MMP21: variants seen among roughly 807,000 people sequenced by gnomAD.
MMP21 encodes the protein matrix metalloproteinase-21.
A neutral mutation model predicts 47.8 loss-of-function variants in MMP21; 40 were observed. The observed-to-expected ratio is 0.84, with a 90% CI of 0.65 to 1.09. The LOEUF (loss-of-function observed/expected upper bound fraction) is 1.09. MMP21 is among the 50% of genes least tolerant of loss of function. MMP21 has a pLI of 0.00. For missense variants in MMP21, 747 were observed against 775.3 expected, an observed-to-expected ratio of 0.96 and a Z score of 0.43; for synonymous variants, 341 against 318.0, an observed-to-expected ratio of 1.07 and a Z score of -0.77.
intron 5 of MMP21, among the ~76,000 whole-genome samples, chr10:125,769,728 AT>A (rs562685133): frequency 4.6e-5 from 7 of 151,228 alleles, no homozygotes; most frequent in African/African-American, 1.2e-4. Context: ...TGTCCAAGGT[AT>A]TTTTTTTTCC....
At position 125,773,907 on chromosome 10, in the gene MMP21, C is replaced by G. The variant is rs1301653898; in HGVS notation, c.621G>C (p.Glu207Asp). 1 of 1,584,550 alleles carries G rather than the reference C, an allele frequency of 6.3e-7. No individual in the cohort carries two copies. Among genetic ancestry groups the G allele is most frequent in the Non-Finnish European group, 8.5e-7 (1 of 1,172,540 alleles). ...CCTCGCGGAAGTCCAGCGGCGTCAC[C>G]TCGCTCCACATCCTGAAGGCCAGCG... is the stretch of plus-strand genomic sequence containing the variant. ...IVALAFRMWSEVTPLDFREDL... is the reference protein window; with the variant it reads ...IVALAFRMWSDVTPLDFREDL... Residue 207 changes from glutamate to aspartate, a missense_variant, in exon 2 of 7, where the codon GAG becomes GAC. By Grantham distance (45) the Glu-to-Asp change is conservative (BLOSUM62 2). Coordinates refer to ENST00000368808, the MANE Select transcript of MMP21 (RefSeq NM_147191.1). This position sits in a 1 kb window ranked among gnomAD's most constrained non-coding sequence, Gnocchi z 4.8.
At position 125,775,806 on chromosome 10, in the gene MMP21, T is replaced by C. The variant is rs1221926820; in HGVS notation, c.16A>G (p.Ile6Val). 3.7e-6 allele frequency: 6 copies of C among 1,609,942 alleles called. No individual in the cohort carries two copies. In the Admixed American group the frequency reaches 8.4e-5, roughly 22 times the overall value. ...CAGAGCAGCAGTGTCGGACGGAAGA[T>C]GGAGGCGGCGAGCATTGGCCTGGTC... MLAAS[I>V]FRPTLLLCWL... Residue 6 changes from isoleucine to valine, a missense_variant, in exon 1 of 7, where the codon ATC becomes GTC. Physicochemically the swap from Ile to Val is conservative, Grantham distance 29 (BLOSUM62 3). Transcript: ENST00000368808.
chr10:125,767,925 C>A (rs549500153), intron 5 of MMP21, among the ~76,000 whole-genome samples: 1 of 152,152 alleles, frequency 6.6e-6, no homozygotes. Flanking sequence ...TTTTCTTGGC[C>A]GTCACTGCTG....
chr10:125,767,425 G>A (rs928357901), intron 6 of MMP21, 107 bp downstream of exon 6: 15 of 1,112,206 alleles, frequency 1.3e-5, no homozygotes, highest in East Asian at 5.0e-5. Context: ...ACAGGCATGC[G>A]CCACTGTGGC....
At position 125,772,158 on chromosome 10, in the gene MMP21, C is replaced by A. The variant is rs2133783063; in HGVS notation, c.979+60G>T. On this transcript the variant is annotated intron_variant, in intron 4 of 6. Transcript: ENST00000368808. The surrounding 1 kb of genome is among the most constrained non-coding windows in gnomAD (Gnocchi z 5.6). Reference sequence around the variant, plus strand: ...CCAGTGAGGAGTGAGCGGGGTCCTACAGTGCTCTGGAATACAGTGTCCTCC... The same window carrying A: ...CCAGTGAGGAGTGAGCGGGGTCCTAAAGTGCTCTGGAATACAGTGTCCTCC... The A allele has an allele frequency of 6.3e-7, 1 of 1,596,336 alleles. No individual in the cohort carries two copies. Among genetic ancestry groups the A allele is most frequent in the Non-Finnish European group, 8.6e-7 (1 of 1,167,150 alleles).
chr10:125,773,822 T>C lies in MMP21; in HGVS notation c.697+9A>G. ...GGTCGGGCAGGCAGGGAGCCCGGGG[T>C]GCTCTTACCTCTCCCAAAGCCCAGC... On this transcript the variant is annotated intron_variant, in intron 2 of 6. Coordinates refer to ENST00000368808, the MANE Select transcript of MMP21 (RefSeq NM_147191.1). This position sits in a 1 kb window ranked among gnomAD's most constrained non-coding sequence, Gnocchi z 4.8. The C allele has an allele frequency of 6.7e-7, 1 of 1,503,552 alleles. No individual in the cohort carries two copies. Among genetic ancestry groups the C allele is most frequent in the East Asian group, 2.6e-5 (1 of 38,548 alleles). The allele number at this position is 1,503,552 out of a possible 1,614,324, so 93.1% of individuals were successfully genotyped here.
chr10:125,766,661 A>G lies in MMP21; in HGVS notation c.*1T>C, dbSNP rs760505326. On this transcript the variant is annotated 3_prime_UTR_variant, in exon 7 of 7. Transcript: ENST00000368808. ...GACCCTCCATTTCCTACTTTTTCTTATTACATGTTCAGTGTGGAGATATGG... is the reference window on the plus strand; with the variant it reads ...GACCCTCCATTTCCTACTTTTTCTTGTTACATGTTCAGTGTGGAGATATGG... The G allele has an allele frequency of 6.3e-6, 10 of 1,580,770 alleles. No individual in the cohort carries two copies. The South Asian group carries it at 1.2e-4, about 19-fold the overall frequency.
chr10:125,774,448 A>T, intron 1 of MMP21, 83 bp from the exon 2 acceptor site: 1 of 974,810 alleles, frequency 1.0e-6, no homozygotes. Context: ...CTAGAGAGAC[A>T]GAGACATGGG....
intron 6 of MMP21, 145 bp downstream of exon 6, chr10:125,767,387 C>A: frequency 1.4e-6 from 1 of 736,374 alleles, no homozygotes; most frequent in South Asian, 1.9e-5. Flanking sequence ...AGCGATCCGC[C>A]CACCTTGGCC....
At position 125,774,038 on chromosome 10, in the gene MMP21, C is replaced by T. The variant is rs776194453; in HGVS notation, c.490G>A (p.Asp164Asn). ...RRGWQPRGYP[D>N]GGAAQAFSKR... The stretch of plus-strand genomic sequence containing the variant: ...GAGAAGGCCTGGGCAGCTCCGCCGT[C>T]GGGGTAGCCCCGGGGCTGCCAACCC... The change falls in exon 2 of 7, where the codon GAC (aspartate) becomes AAC (asparagine). Residue 164 changes from aspartate to asparagine, a missense_variant. Transcript: ENST00000368808. The T allele has an allele frequency of 1.3e-6, 2 of 1,485,156 alleles. No individual in the cohort carries two copies. The highest frequency in any genetic ancestry group is 1.3e-5 in the South Asian group (1 of 79,078). 92.0% of individuals were successfully genotyped at this position (1,485,156 alleles called of 1,614,324 possible). A position where few individuals can be genotyped will look rare whatever the true frequency, so the allele number is the denominator to read the frequency against.
intron 5 of MMP21, among the ~76,000 whole-genome samples, chr10:125,768,682 C>A (rs1035617971): frequency 2.0e-5 from 3 of 152,190 alleles, no homozygotes; most frequent in Admixed American, 6.5e-5. Flanking sequence ...ATATTCATAG[C>A]AAATTAAGAT....
At position 125,774,306 on chromosome 10, in the gene MMP21, C is replaced by T. The variant is rs1448313591; in HGVS notation, c.222G>A (p.Glu74=). 1.4e-6 allele frequency: 2 copies of T among 1,416,560 alleles called. No homozygotes were observed. The highest frequency in any genetic ancestry group is 3.0e-5 in the African/African-American group (2 of 66,158). The allele number at this position is 1,416,560 out of a possible 1,614,324, so 87.7% of individuals were successfully genotyped here. The change falls in exon 2 of 7, where the codon GAG becomes GAA. Residue 74 remains glutamate (E), a synonymous_variant. Transcript: ENST00000368808. ...GVWAAWGPSP[E]GPPETPKGAA... is the part of the protein sequence containing the mutation. ...CGCCCTTGGGGGTCTCCGGCGGCCC[C>T]TCGGGACTGGGCCCCCAGGCCGCCC... is the stretch of plus-strand genomic sequence containing the variant.
In MMP21 at chr10:125,774,238, G is replaced by A. The variant is rs554501102; in HGVS notation, c.290C>T (p.Ala97Val). 8.7e-4 allele frequency: 1,223 copies of A among 1,405,268 alleles called. 5 individuals are homozygous for A. The highest frequency in any genetic ancestry group is 1.1e-3 in the Non-Finnish European group (1,156 of 1,082,974). 87.0% of individuals were successfully genotyped at this position (1,405,268 alleles called of 1,614,324 possible). Residue 97 changes from alanine to valine, a missense_variant, in exon 2 of 7, where the codon GCG becomes GTG. Transcript: ENST00000368808. ...EAVRRFQRAN[A>V]LPASGELDAA... Reference sequence around the variant, plus strand: ...GTCCAGCTCCCCGCTGGCCGGCAGCGCGTTCGCCCGCTGGAACCTGCGCAC... The same window carrying A: ...GTCCAGCTCCCCGCTGGCCGGCAGCACGTTCGCCCGCTGGAACCTGCGCAC...
rs750669939 is a variant in MMP21, at chr10:125,772,403, G to A, written c.838-44C>T. ...CATGGGTGCTGGGTGAAGCCTGGGC[G>A]ATGGATCCCTGCATAACAGACGCAG... On this transcript the variant is annotated intron_variant, in intron 3 of 6. Coordinates refer to ENST00000368808, the MANE Select transcript of MMP21 (RefSeq NM_147191.1). This position sits in a 1 kb window ranked among gnomAD's most constrained non-coding sequence, Gnocchi z 5.6. 53 of 1,611,610 alleles carry A rather than the reference G, an allele frequency of 3.3e-5. 2 individuals are homozygous for A. Among genetic ancestry groups the A allele is most frequent in the South Asian group, 1.2e-4 (11 of 90,804 alleles).
Position 125,773,100 on chromosome 10 carries a change from G to C in MMP21, c.698-350C>G, listed in dbSNP as rs898658455. Among the ~76,000 whole-genome samples the C allele has an allele frequency of 6.6e-6, 1 of 152,162 alleles. No homozygotes were observed. The highest frequency in any genetic ancestry group is 1.5e-5 in the Non-Finnish European group (1 of 68,030). ...GGAGGTCGTGAAATATTGAAAGCTG[G>C]GTCCCTTAAAATTTGTCTTTTTCAG... On this transcript the variant is annotated intron_variant, in intron 2 of 6. Coordinates refer to ENST00000368808, the MANE Select transcript of MMP21 (RefSeq NM_147191.1). The surrounding 1 kb of genome is among the most constrained non-coding windows in gnomAD (Gnocchi z 4.8).
In MMP21 at chr10:125,766,884, T is replaced by C. The variant is rs1850392258; in HGVS notation, c.1488A>G (p.Val496=). 2 of 1,613,118 alleles carry C rather than the reference T, an allele frequency of 1.2e-6. No individual in the cohort carries two copies. The highest frequency in any genetic ancestry group is 1.1e-5 in the South Asian group (1 of 90,722). ...TTCTGAAAGGATGATTTTGTGGTAT[T>C]ACTGCTGGAAAAACTTCAGTAATCC... The part of the protein sequence containing the change: ...PKRITEVFPA[V]IPQNHPFRNI... The change falls in exon 7 of 7, where the codon GTA becomes GTG. Residue 496 remains valine (V), a synonymous_variant. Transcript: ENST00000368808.
At position 125,772,777 on chromosome 10, in the gene MMP21, C is replaced by T. The variant is rs1850465821; in HGVS notation, c.698-27G>A. ...TGGCGAGGGGGAGGAGGAGTTGGTC[C>T]CGGTGAAGGATGAGTGCCCCCCATA... On this transcript the variant is annotated intron_variant, in intron 2 of 6. Transcript: ENST00000368808. The surrounding 1 kb of genome is among the most constrained non-coding windows in gnomAD (Gnocchi z 5.6). The T allele has an allele frequency of 6.2e-7, 1 of 1,608,082 alleles. No individual in the cohort carries two copies. Among genetic ancestry groups the T allele is most frequent in the South Asian group, 1.1e-5 (1 of 90,916 alleles).
rs1192880350 is a variant in MMP21 at position 125,774,001 on chromosome 10, A to C, written c.527T>G (p.Leu176Arg). 3 of 1,552,644 alleles carry C rather than the reference A, an allele frequency of 1.9e-6. No individual in the cohort carries two copies. Among genetic ancestry groups the C allele is most frequent in the Non-Finnish European group, 2.6e-6 (3 of 1,157,930 alleles). ...GAAQAFSKRT[L>R]SWRLLGEALS... ...GGCCTCGCCCAGCAGCCGCCAGCTC[A>C]GCGTCCTCTTGGAGAAGGCCTGGGC... Residue 176 changes from leucine (L) to arginine (R), a missense_variant, in exon 2 of 7, where the codon CTG becomes CGG. Transcript: ENST00000368808.
chr10:125,766,830 T>C lies in MMP21; in HGVS notation c.1542A>G (p.Ala514=). Residue 514 remains alanine, a synonymous_variant, in exon 7 of 7, where the codon GCA becomes GCG. Coordinates refer to ENST00000368808, the MANE Select transcript of MMP21 (RefSeq NM_147191.1). ...CTTTGAAAAAGAAAATGGAGTTGTA[T>C]GCATAGGAGTAATAAGCGGAATCTA... ...RNIDSAYYSY[A]YNSIFFFKGN... 5 of 1,614,000 alleles carry C rather than the reference T, an allele frequency of 3.1e-6. No homozygotes were observed. The East Asian group carries it at 1.1e-4, about 36-fold the overall frequency.
Sources: gnomAD v4.1 joint callset for allele counts (sites outside exome capture counted in the v4.1 genomes callset) on GRCh38, gnomAD v4.1.1 for gene constraint, Gnocchi (gnomAD v3.1) non-coding constraint, MANE v1.5 for transcripts, NCBI Gene and HGNC (gene_info 2026-07-23, HGNC 2026-07-21) for gene names.